Variants in PCDH9 observed in about 807,000 individuals in gnomAD.
PCDH9 encodes protocadherin 9.
Under a neutral mutation model 70.6 loss-of-function variants are expected in PCDH9, and 24 were observed. That is an observed-to-expected ratio of 0.34 (90% CI 0.25 to 0.48). PCDH9 has a LOEUF of 0.48. PCDH9 is among the 20% of genes least tolerant of loss of function. PCDH9 has a pLI of 0.99. For missense variants in PCDH9, 1,281 were observed against 1,503.6 expected, an observed-to-expected ratio of 0.85 and a Z score of 2.45; for synonymous variants, 562 against 558.5, an observed-to-expected ratio of 1.01 and a Z score of -0.09.
intron 4 of PCDH9, among the ~76,000 whole-genome samples, chr13:66,453,595 C>A (rs1231180542): frequency 6.6e-6 from 1 of 152,140 alleles, no homozygotes; most frequent in East Asian, 1.9e-4. Context: ...TTAATTAAAT[C>A]AGCTTCTCTT....
intron 3 of PCDH9, among the ~76,000 whole-genome samples, chr13:66,865,657 A>G (rs2081561032): frequency 6.6e-6 from 1 of 152,284 alleles, no homozygotes; most frequent in Non-Finnish European, 1.5e-5. Context: ...CCTGATGAAC[A>G]TTACAGGGAG....
intron 4 of PCDH9, among the ~76,000 whole-genome samples, chr13:66,618,896 C>T (rs1345893352): frequency 6.6e-6 from 1 of 152,118 alleles, no homozygotes; most frequent in African/African-American, 2.4e-5. Flanking sequence ...GTTGACATTA[C>T]CCTTACTTTA....
intron 2 of PCDH9, among the ~76,000 whole-genome samples, chr13:66,952,343 G>A (rs2083196321): frequency 6.6e-6 from 1 of 152,128 alleles, no homozygotes; most frequent in Non-Finnish European, 1.5e-5. Flanking sequence ...CCACTATAGT[G>A]CTATAAGACT....
At chr13:67,105,762 T>A (rs2138252930) in intron 2 of PCDH9, among the ~76,000 whole-genome samples, 1 of 152,052 alleles carries the variant, frequency 6.6e-6, no homozygotes, top group South Asian at 2.1e-4. Flanking sequence ...ATTTTGACAA[T>A]TGCTTAAATG....
chr13:66,499,618 C>T (rs994140647), intron 4 of PCDH9, among the ~76,000 whole-genome samples: 7 of 152,116 alleles, frequency 4.6e-5, no homozygotes. Context: ...TTAATCATTT[C>T]CTATGAAAGT....
At chr13:66,808,967 A>T (rs2080454281) in intron 3 of PCDH9, among the ~76,000 whole-genome samples, 1 of 152,280 alleles carries the variant, frequency 6.6e-6, no homozygotes, top group East Asian at 1.9e-4. Flanking sequence ...GTTTGTTTTG[A>T]GACGGAGTCT....
At chr13:67,022,496 C>T (rs374456547) in intron 2 of PCDH9, among the ~76,000 whole-genome samples, 20 of 152,148 alleles carry the variant, frequency 1.3e-4, no homozygotes, top group African/African-American at 4.8e-4. Context: ...GCACAACCCT[C>T]ACCTTGAAAC....
intron 3 of PCDH9, among the ~76,000 whole-genome samples, chr13:66,894,400 T>A (rs1263800780): frequency 6.6e-6 from 1 of 152,180 alleles, no homozygotes; most frequent in Non-Finnish European, 1.5e-5. Flanking sequence ...TATATAAAAT[T>A]GAAGTATAAG....
In PCDH9 at chr13:66,842,540, A is replaced by T. The variant is rs553626567; in HGVS notation, c.3138+60964T>A. On this transcript the variant is annotated intron_variant, in intron 3 of 4. Coordinates refer to ENST00000377865, the MANE Select transcript of PCDH9 (RefSeq NM_203487.3). Reference sequence around the variant, plus strand: ...CGATTTGACCTCTTTTAGCCCCCAAAATTCTGTGTTATTTTCCTCATATTA... The same window carrying T: ...CGATTTGACCTCTTTTAGCCCCCAATATTCTGTGTTATTTTCCTCATATTA... 2.2e-3 allele frequency among the ~76,000 whole-genome samples: 342 copies of T among 152,192 alleles called. 2 individuals are homozygous for T. Among genetic ancestry groups the T allele is most frequent in the Non-Finnish European group, 3.2e-3 (217 of 68,014 alleles).
At chr13:67,163,530 T>C (rs1299841327) in intron 2 of PCDH9, among the ~76,000 whole-genome samples, 1 of 152,226 alleles carries the variant, frequency 6.6e-6, no homozygotes, top group Non-Finnish European at 1.5e-5. Flanking sequence ...AACATTAAAC[T>C]CTGTAATGTC....
intron 4 of PCDH9, among the ~76,000 whole-genome samples, chr13:66,338,476 A>G (rs746564406): frequency 1.3e-4 from 20 of 152,238 alleles, no homozygotes; most frequent in Middle Eastern, 3.4e-3. Flanking sequence ...CTGAAAGTAA[A>G]TATTTTCTGA....
At chr13:66,408,351 G>A (rs1309445091) in intron 4 of PCDH9, among the ~76,000 whole-genome samples, 3 of 152,230 alleles carry the variant, frequency 2.0e-5, no homozygotes, top group Non-Finnish European at 4.4e-5. Flanking sequence ...CTGAGGAATT[G>A]TCTCCATTCC....
At chr13:66,906,788 T>C (rs1300096562) in intron 2 of PCDH9, among the ~76,000 whole-genome samples, 1 of 151,834 alleles carries the variant, frequency 6.6e-6, no homozygotes, top group African/African-American at 2.4e-5. Context: ...TGAGATTAAC[T>C]ATTATAAATA....
chr13:67,181,661 A>G (rs995895732), intron 2 of PCDH9, among the ~76,000 whole-genome samples: 1 of 152,196 alleles, frequency 6.6e-6, no homozygotes, highest in Non-Finnish European at 1.5e-5. Context: ...TATGAAATCA[A>G]AGCAAAGTAA....
At chr13:66,593,869 CTGTAGAATA>C (rs763963431) in intron 4 of PCDH9, among the ~76,000 whole-genome samples, 241 of 151,780 alleles carry the variant, frequency 1.6e-3, no homozygotes, top group Non-Finnish European at 1.7e-3. Flanking sequence ...TTCTACACAT[CTGTAGAATA>C]TGTAGATAGT....
chr13:66,615,774 G>A (rs534100406), intron 4 of PCDH9, among the ~76,000 whole-genome samples: 1 of 152,280 alleles, frequency 6.6e-6, no homozygotes, highest in Non-Finnish European at 1.5e-5. Flanking sequence ...CAGAGTCAAG[G>A]AAACCTATTT....
intron 4 of PCDH9, among the ~76,000 whole-genome samples, chr13:66,604,268 T>G (rs1055989197): frequency 6.6e-6 from 1 of 151,960 alleles, no homozygotes; most frequent in Non-Finnish European, 1.5e-5. Flanking sequence ...AATACATATT[T>G]TTGTCAATGC....
At chr13:66,734,381 C>G (rs895566039) in intron 3 of PCDH9, among the ~76,000 whole-genome samples, 30 of 152,108 alleles carry the variant, frequency 2.0e-4, no homozygotes, top group African/African-American at 7.0e-4. Context: ...CTTCCTTTGA[C>G]TAATTTTAGT....
chr13:66,903,929 A>G, intron 2 of PCDH9, among the ~76,000 whole-genome samples: 1 of 151,862 alleles, frequency 6.6e-6, no homozygotes, highest in East Asian at 1.9e-4. Flanking sequence ...TTTGGGTGAG[A>G]TATTATTTAA....
Sources: gnomAD v4.1 joint callset for allele counts (sites outside exome capture counted in the v4.1 genomes callset) on GRCh38, gnomAD v4.1.1 for gene constraint, MANE v1.5 for transcripts, NCBI Gene and HGNC (gene_info 2026-07-23, HGNC 2026-07-21) for gene names.